SLC9C1: variants seen among roughly 807,000 people sequenced by gnomAD.
SLC9C1 encodes solute carrier family 9 member C1.
A neutral mutation model predicts 140.9 loss-of-function variants in SLC9C1; 97 were observed. The ratio of observed to expected loss-of-function variants is 0.69; its 90% CI spans 0.58 to 0.82. SLC9C1 has a LOEUF of 0.82. SLC9C1 is among the 40% of genes least tolerant of loss of function. SLC9C1 has a pLI of 0.00. For synonymous variants in SLC9C1, 440 were observed against 442.6 expected, an observed-to-expected ratio of 0.99 and a Z score of 0.07; for missense variants, 1,340 against 1,389.3, an observed-to-expected ratio of 0.96 and a Z score of 0.56.
chr3:112,238,527 G>C (rs1364991430), intron 12 of SLC9C1, among the ~76,000 whole-genome samples: 2 of 152,154 alleles, frequency 1.3e-5, no homozygotes, highest in East Asian at 3.8e-4. Flanking sequence ...GAGGAGGAGA[G>C]GTGCTCTGAT....
In SLC9C1 at chr3:112,169,302, C is replaced by G; in HGVS notation, c.2946G>C (p.Leu982Phe). ...GAGAGCATTGCTCAAAAGCATCATA[C>G]AAGTGAGTTTTGGGAATAAAACATG... The part of the protein sequence containing the change: ...VETCFIPKTH[L>F]YDAFEQCSPL... Residue 982 changes from leucine to phenylalanine, a missense_variant, in exon 24 of 29, where the codon TTG becomes TTC. Coordinates refer to ENST00000305815, the MANE Select transcript of SLC9C1 (RefSeq NM_183061.3). 3.1e-6 allele frequency: 5 copies of G among 1,611,030 alleles called. No homozygotes were observed. Among genetic ancestry groups the G allele is most frequent in the Non-Finnish European group, 4.2e-6 (5 of 1,179,016 alleles).
chr3:112,258,705 C>G (rs1417763273), intron 10 of SLC9C1, among the ~76,000 whole-genome samples: 1 of 152,070 alleles, frequency 6.6e-6, no homozygotes, highest in African/African-American at 2.4e-5. Flanking sequence ...AGTGATCCAC[C>G]CACTTCAGCC....
chr3:112,192,773 T>C (rs1244801389), intron 20 of SLC9C1, among the ~76,000 whole-genome samples: 1 of 152,210 alleles, frequency 6.6e-6, no homozygotes, highest in African/African-American at 2.4e-5. Context: ...GTACTGTCCA[T>C]CTGTATTCTC....
At chr3:112,239,806 C>T (rs747798893) in intron 12 of SLC9C1, 34 bp downstream of exon 12, 7 of 1,557,704 alleles carry the variant, frequency 4.5e-6, no homozygotes, top group Non-Finnish European at 6.1e-6. Flanking sequence ...ATCAAATCTG[C>T]ATTAAAGCAA....
intron 23 of SLC9C1, 61 bp from the exon 24 acceptor site, chr3:112,169,389 GT>G (rs1003308575): frequency 4.7e-6 from 7 of 1,505,226 alleles, no homozygotes; most frequent in African/African-American, 2.8e-5. Context: ...AAGGAATAAA[GT>G]TTTTTTGTTT....
rs530526057 is a variant in SLC9C1 at position 112,244,159 on chromosome 3, T to C, written c.1198-83A>G. The C allele has an allele frequency of 7.3e-6, 6 of 820,624 alleles. No individual in the cohort carries two copies. The East Asian group carries it at 1.8e-4, about 25-fold the overall frequency. The allele number at this position is 820,624 out of a possible 1,614,324, so 50.8% of individuals were successfully genotyped here. A position where few individuals can be genotyped will look rare whatever the true frequency, so the allele number is the denominator to read the frequency against. On this transcript the variant is annotated intron_variant, in intron 10 of 28. Coordinates refer to ENST00000305815, the MANE Select transcript of SLC9C1 (RefSeq NM_183061.3). Reference sequence around the variant, plus strand: ...ATATTTACCAATATAAATTAAGCTATTTTCCAATATAAATTAAGCTAGGTT... The same window carrying C: ...ATATTTACCAATATAAATTAAGCTACTTTCCAATATAAATTAAGCTAGGTT...
chr3:112,274,699 C>G (rs1467209335), intron 6 of SLC9C1, among the ~76,000 whole-genome samples, 198 bp downstream of exon 6: 2 of 152,162 alleles, frequency 1.3e-5, no homozygotes, highest in Non-Finnish European at 2.9e-5. Flanking sequence ...TGAAGAGTCT[C>G]AACCCAGTCT....
rs1344117381 is a variant in SLC9C1, at chr3:112,180,653, T to C, written c.2659A>G (p.Lys887Glu). The stretch of plus-strand genomic sequence containing the variant: ...TTTCCACAATCAAATGTTACAACTT[T>C]GGCTTTTTCCTAAAAGATACCACCA... The part of the protein sequence containing the change: ...DYINFIQEKA[K>E]VVTFDCGNDI... Residue 887 changes from lysine (K) to glutamate (E), a missense_variant, in exon 22 of 29, where the codon AAA becomes GAA. Transcript: ENST00000305815. 6.2e-7 allele frequency: 1 copy of C among 1,612,680 alleles called. No homozygotes were observed. The highest frequency in any genetic ancestry group is 1.1e-5 in the South Asian group (1 of 90,694).
At chr3:112,171,881 G>T (rs1179325500) in intron 23 of SLC9C1, among the ~76,000 whole-genome samples, 1 of 152,114 alleles carries the variant, frequency 6.6e-6, no homozygotes, top group Non-Finnish European at 1.5e-5. Flanking sequence ...TTTCCATTGA[G>T]ATAATTTGAT....
At chr3:112,180,849 T>G (rs1156901680) in intron 21 of SLC9C1, among the ~76,000 whole-genome samples, 187 bp from the exon 22 acceptor site, 1 of 152,144 alleles carries the variant, frequency 6.6e-6, no homozygotes, top group Non-Finnish European at 1.5e-5. Flanking sequence ...CAAGGAGAAT[T>G]GCTTGAGCCA....
At chr3:112,242,841 G>A (rs6798551) in intron 11 of SLC9C1, among the ~76,000 whole-genome samples, 89,861 of 151,726 alleles carry the variant, frequency 0.59, 27,095 homozygotes, top group East Asian at 0.79. Context: ...CGAAAAAAAA[G>A]TCTTAATGGG....
chr3:112,257,883 G>C (rs957751923), intron 10 of SLC9C1, among the ~76,000 whole-genome samples: 1 of 152,076 alleles, frequency 6.6e-6, no homozygotes, highest in Non-Finnish European at 1.5e-5. Flanking sequence ...GTAGGTAAAG[G>C]ACATGAGCAG....
intron 15 of SLC9C1, 54 bp downstream of exon 15, chr3:112,217,388 A>C: frequency 6.7e-7 from 1 of 1,502,350 alleles, no homozygotes; most frequent in Non-Finnish European, 8.9e-7. Flanking sequence ...AAGAAAAAAC[A>C]GGGAATTTCA....
At chr3:112,270,833 GTT>G (rs2080053462) in intron 6 of SLC9C1, among the ~76,000 whole-genome samples, 1 of 152,102 alleles carries the variant, frequency 6.6e-6, no homozygotes, top group African/African-American at 2.4e-5. Flanking sequence ...AAGGGTACCA[GTT>G]GACCATTTGT....
At chr3:112,264,793 A>G (rs2079874397) in intron 8 of SLC9C1, among the ~76,000 whole-genome samples, 1 of 152,080 alleles carries the variant, frequency 6.6e-6, no homozygotes, top group African/African-American at 2.4e-5. Flanking sequence ...GGTACATACC[A>G]TATTTTAGAT....
chr3:112,183,349 C>CTTTTTTTTTTTTTTTTTTTTTTTTTTT lies in SLC9C1; in HGVS notation c.2524-1092_2524-1091insAAAAAAAAAAAAAAAAAAAAAAAAAAA, dbSNP rs200437815. Among the ~76,000 whole-genome samples the CTTTTTTTTTTTTTTTTTTTTTTTTTTT allele has an allele frequency of 1.8e-3, 174 of 95,364 alleles. 25 individuals are homozygous for CTTTTTTTTTTTTTTTTTTTTTTTTTTT. Among genetic ancestry groups the CTTTTTTTTTTTTTTTTTTTTTTTTTTT allele is most frequent in the Middle Eastern group, 5.5e-3 (1 of 182 alleles). The allele number at this position is 95,364 out of a possible 152,430, so 62.6% of individuals were successfully genotyped here. A position where few individuals can be genotyped will look rare whatever the true frequency, so the allele number is the denominator to read the frequency against. On this transcript the variant is annotated intron_variant, in intron 20 of 28. Transcript: ENST00000305815. ...ACGACAATGATATTTAGCACCTTTT[C>CTTTTTTTTTTTTTTTTTTTTTTTTTTT]TTTTTTTTTTTTTTTTTTTTTCAGC...
intron 14 of SLC9C1, 82 bp downstream of exon 14, chr3:112,221,046 G>T: frequency 8.6e-7 from 1 of 1,156,620 alleles, no homozygotes; most frequent in Non-Finnish European, 1.3e-6. Flanking sequence ...CAAGTTACCA[G>T]ACAAAAACAA....
At position 112,184,572 on chromosome 3, in the gene SLC9C1, G is replaced by A. The variant is rs532426535; in HGVS notation, c.2524-2314C>T. Reference sequence around the variant, plus strand: ...ATTCGCTTGAACCCGGGAGACGGGGGTTGCAGTGAGCCGAAATCTTGCTAC... The same window carrying A: ...ATTCGCTTGAACCCGGGAGACGGGGATTGCAGTGAGCCGAAATCTTGCTAC... On this transcript the variant is annotated intron_variant, in intron 20 of 28. Coordinates refer to ENST00000305815, the MANE Select transcript of SLC9C1 (RefSeq NM_183061.3). 3.9e-5 allele frequency among the ~76,000 whole-genome samples: 6 copies of A among 152,238 alleles called. No homozygotes were observed. In the East Asian group the frequency reaches 7.7e-4, roughly 20 times the overall value.
chr3:112,225,012 A>G (rs569672995), intron 13 of SLC9C1, among the ~76,000 whole-genome samples: 64 of 152,262 alleles, frequency 4.2e-4, no homozygotes, highest in Middle Eastern at 6.8e-3. Context: ...TTGAAAAGAT[A>G]TAGACATCTA....
Sources: gnomAD v4.1 joint callset for allele counts (sites outside exome capture counted in the v4.1 genomes callset) on GRCh38, gnomAD v4.1.1 for gene constraint, MANE v1.5 for transcripts, NCBI Gene and HGNC (gene_info 2026-07-23, HGNC 2026-07-21) for gene names.